TRAK2: variants seen among roughly 807,000 people sequenced by gnomAD.
The protein encoded by TRAK2 is trafficking kinesin protein 2.
In TRAK2, 81 loss-of-function variants were observed where a neutral mutation model predicts 104.6. The ratio of observed to expected loss-of-function variants is 0.77; its 90% CI spans 0.65 to 0.93. TRAK2 has a LOEUF of 0.93. TRAK2 is among the 40% of genes least tolerant of loss of function. The pLI is 0.00. For missense variants in TRAK2, 1,002 were observed against 1,089.0 expected, an observed-to-expected ratio of 0.92 and a Z score of 1.12; for synonymous variants, 406 against 394.4, an observed-to-expected ratio of 1.03 and a Z score of -0.35.
chr2:201,389,272 A>G, intron 12 of TRAK2, 28 bp downstream of exon 12: 1 of 1,601,014 alleles, frequency 6.2e-7, no homozygotes, highest in Non-Finnish European at 8.6e-7. Flanking sequence ...AAAGAAATGC[A>G]GAATCACTGT....
chr2:201,429,073 A>G (rs966967633), intron 1 of TRAK2, among the ~76,000 whole-genome samples: 3 of 152,222 alleles, frequency 2.0e-5, no homozygotes, highest in Non-Finnish European at 4.4e-5. Flanking sequence ...TTGGGCTGAG[A>G]CAATGGGGTC....
At position 201,450,275 on chromosome 2, in the gene TRAK2, C is replaced by T. The variant is rs534506767; in HGVS notation, c.-200+1075G>A. Among the ~76,000 whole-genome samples, 404 of 151,888 alleles carry T rather than the reference C, an allele frequency of 2.7e-3. 5 individuals are homozygous for T. The highest frequency in any genetic ancestry group is 8.9e-3 in the African/African-American group (369 of 41,446). ...ACTAAAAACACAAAAATTAGCTGGG[C>T]GTGGTGGTGCGCGCCTGTAGTCCCA... On this transcript the variant is annotated intron_variant, in intron 1 of 15. Transcript: ENST00000332624.
intron 1 of TRAK2, among the ~76,000 whole-genome samples, chr2:201,423,234 C>T (rs944738479): frequency 6.6e-6 from 1 of 152,116 alleles, no homozygotes; most frequent in African/African-American, 2.4e-5. Flanking sequence ...CCACTGCACC[C>T]AGCCCTAATT....
intron 1 of TRAK2, among the ~76,000 whole-genome samples, chr2:201,435,743 G>A (rs936143989): frequency 2.6e-5 from 4 of 152,178 alleles, no homozygotes; most frequent in African/African-American, 9.6e-5. Flanking sequence ...AGTCTCTTAA[G>A]GTAGAAGGTA....
intron 3 of TRAK2, among the ~76,000 whole-genome samples, chr2:201,405,554 A>T (rs1003334358): frequency 6.6e-6 from 1 of 152,154 alleles, no homozygotes; most frequent in African/African-American, 2.4e-5. Context: ...CAAGAATGTG[A>T]ATTTCTAACA....
rs1004960723 is a variant in TRAK2 at position 201,447,120 on chromosome 2, G to A, written c.-200+4230C>T. Among the ~76,000 whole-genome samples, 9 of 152,138 alleles carry A rather than the reference G, an allele frequency of 5.9e-5. No homozygotes were observed. Among genetic ancestry groups the A allele is most frequent in the Non-Finnish European group, 4.4e-5 (3 of 68,016 alleles). ...ATTACCTTTCATTTATCCTTTACAA[G>A]TCTTAGTCTTTCTAAAATGCAAATC... is the stretch of plus-strand genomic sequence containing the variant. On this transcript the variant is annotated intron_variant, in intron 1 of 15. Coordinates refer to ENST00000332624, the MANE Select transcript of TRAK2 (RefSeq NM_015049.3). This position sits in a 1 kb window ranked among gnomAD's most constrained non-coding sequence, Gnocchi z 4.1.
chr2:201,380,422 T>C lies in TRAK2; in HGVS notation c.*121A>G. ...TTATTTCCATTCCTCCATTCCCCCT[T>C]TCACATTCACAACCCTTGTGCAACA... On this transcript the variant is annotated 3_prime_UTR_variant, in exon 16 of 16. Coordinates refer to ENST00000332624, the MANE Select transcript of TRAK2 (RefSeq NM_015049.3). The C allele has an allele frequency of 9.5e-7, 1 of 1,047,352 alleles. No homozygotes were observed. The highest frequency in any genetic ancestry group is 1.6e-5 in the African/African-American group (1 of 62,244). 64.9% of individuals were successfully genotyped at this position (1,047,352 alleles called of 1,614,324 possible).
chr2:201,421,752 A>G (rs960125384), intron 1 of TRAK2, among the ~76,000 whole-genome samples: 6 of 152,134 alleles, frequency 3.9e-5, no homozygotes, highest in African/African-American at 1.4e-4. Flanking sequence ...CCCTGTTGAT[A>G]AAAGTGCAAA....
Position 201,394,709 on chromosome 2 carries a change from A to G in TRAK2, c.975+89T>C, listed in dbSNP as rs182641210. 3.4e-4 allele frequency: 362 copies of G among 1,063,990 alleles called. 5 individuals are homozygous for G. The East Asian group carries it at 7.8e-3, about 23-fold the overall frequency. The allele number at this position is 1,063,990 out of a possible 1,614,324, so 65.9% of individuals were successfully genotyped here. A position where few individuals can be genotyped will look rare whatever the true frequency, so the allele number is the denominator to read the frequency against. ...TTGTTGTTGTTTTTTAAATCTGGTA[A>G]TTCCCCTTTAATAATTCTTATTCAT... On this transcript the variant is annotated intron_variant, in intron 9 of 15. Coordinates refer to ENST00000332624, the MANE Select transcript of TRAK2 (RefSeq NM_015049.3).
intron 1 of TRAK2, among the ~76,000 whole-genome samples, chr2:201,430,521 A>G (rs1951833033): frequency 6.6e-6 from 1 of 152,188 alleles, no homozygotes; most frequent in Admixed American, 6.5e-5. Context: ...CTCAAGCTTC[A>G]GCAATGGCGG....
chr2:201,420,603 G>T lies in TRAK2; in HGVS notation c.-96C>A. On this transcript the variant is annotated 5_prime_UTR_variant, in exon 2 of 16. Coordinates refer to ENST00000332624, the MANE Select transcript of TRAK2 (RefSeq NM_015049.3). ...GCCATTCAATAATGAAATGGATTTGGTCACATGGATATTTTCTTTTAGACA... is the reference window on the plus strand; with the variant it reads ...GCCATTCAATAATGAAATGGATTTGTTCACATGGATATTTTCTTTTAGACA... The T allele has an allele frequency of 9.9e-7, 1 of 1,009,442 alleles. No homozygotes were observed. Among genetic ancestry groups the T allele is most frequent in the Non-Finnish European group, 1.5e-6 (1 of 651,596 alleles). 62.5% of individuals were successfully genotyped at this position (1,009,442 alleles called of 1,614,324 possible). A position where few individuals can be genotyped will look rare whatever the true frequency, so the allele number is the denominator to read the frequency against.
chr2:201,381,194 A>G lies in TRAK2; in HGVS notation c.2094T>C (p.Cys698=). 3 of 1,611,834 alleles carry G rather than the reference A, an allele frequency of 1.9e-6. No homozygotes were observed. The highest frequency in any genetic ancestry group is 2.5e-6 in the Non-Finnish European group (3 of 1,178,880). ...TPSSGFPSLS[C]GSSGSSSSNT... ...TGGATGAACTGCTACCGCTACTTCC[A>G]CAGGATAATGAAGGGAACCCAGAGC... Residue 698 remains cysteine, a synonymous_variant, in exon 16 of 16, where the codon TGT becomes TGC. Coordinates refer to ENST00000332624, the MANE Select transcript of TRAK2 (RefSeq NM_015049.3).
At position 201,380,938 on chromosome 2, in the gene TRAK2, A is replaced by G; in HGVS notation, c.2350T>C (p.Ser784Pro). ...AAGGGTAAAGGAGAAGGGCAAGGTG[A>G]GTGAGATGGTGAATTTGGTGGTGTG... is the stretch of plus-strand genomic sequence containing the variant. ...PSTPPNSPSH[S>P]PCPSPLPFEP... Residue 784 changes from serine (S) to proline (P), a missense_variant, in exon 16 of 16, where the codon TCA (serine) becomes CCA (proline). Ser to Pro is a moderately conservative substitution (Grantham distance 74). Coordinates refer to ENST00000332624, the MANE Select transcript of TRAK2 (RefSeq NM_015049.3). 6.2e-7 allele frequency: 1 copy of G among 1,614,112 alleles called. No homozygotes were observed. The highest frequency in any genetic ancestry group is 8.5e-7 in the Non-Finnish European group (1 of 1,179,986).
chr2:201,386,331 C>A lies in TRAK2; in HGVS notation c.1850G>T (p.Gly617Val), dbSNP rs373367916. The A allele has an allele frequency of 1.9e-6, 3 of 1,614,120 alleles. No homozygotes were observed. The highest frequency in any genetic ancestry group is 2.5e-6 in the Non-Finnish European group (3 of 1,180,032). ...ISDLEEDEEE[G>V]ITFQVQQPLE... ...AGGTTGCTGAACCTGAAAAGTAATA[C>A]CCTCCTCTTCATCCTCTTCTAAATC... Residue 617 changes from glycine (G) to valine (V), a missense_variant, in exon 14 of 16, where the codon GGT (glycine) becomes GTT (valine). Physicochemically the swap from Gly to Val is moderately radical, Grantham distance 109 (BLOSUM62 -3). Transcript: ENST00000332624.
chr2:201,439,625 T>A (rs1951903748), intron 1 of TRAK2, among the ~76,000 whole-genome samples: 1 of 151,982 alleles, frequency 6.6e-6, no homozygotes, highest in Non-Finnish European at 1.5e-5. Flanking sequence ...GATTATAAAC[T>A]TTTAAAGAGC....
intron 1 of TRAK2, among the ~76,000 whole-genome samples, chr2:201,424,828 C>T (rs1315896527): frequency 1.3e-5 from 2 of 151,752 alleles, no homozygotes; most frequent in Non-Finnish European, 2.9e-5. Flanking sequence ...AGGATGGTCT[C>T]GATCTCCTGA....
chr2:201,395,483 G>C, intron 7 of TRAK2, 39 bp from the exon 8 acceptor site: 1 of 1,467,626 alleles, frequency 6.8e-7, no homozygotes, highest in Non-Finnish European at 9.1e-7. Context: ...TAATACAAAT[G>C]TAGAGAAGGA....
At chr2:201,446,281 C>T (rs1951963778) in intron 1 of TRAK2, among the ~76,000 whole-genome samples, 1 of 152,164 alleles carries the variant, frequency 6.6e-6, no homozygotes, top group Non-Finnish European at 1.5e-5. Context: ...ATTCTCAGTC[C>T]TGTAACTCTG....
At chr2:201,424,840 C>T (rs1239793384) in intron 1 of TRAK2, among the ~76,000 whole-genome samples, 1 of 152,040 alleles carries the variant, frequency 6.6e-6, no homozygotes, top group East Asian at 1.9e-4. Flanking sequence ...ATCTCCTGAC[C>T]TCGTGATCCG....
Sources: gnomAD v4.1 joint callset for allele counts (sites outside exome capture counted in the v4.1 genomes callset) on GRCh38, gnomAD v4.1.1 for gene constraint, Gnocchi (gnomAD v3.1) non-coding constraint, MANE v1.5 for transcripts, NCBI Gene and HGNC (gene_info 2026-07-23, HGNC 2026-07-21) for gene names.